Variants in GMDS observed in about 807,000 individuals in gnomAD.
The protein encoded by GMDS is GDP-mannose 4,6-dehydratase.
In GMDS, 20 loss-of-function variants were observed where a neutral mutation model predicts 49.9. That is an observed-to-expected ratio of 0.40 (90% CI 0.28 to 0.58). The LOEUF is 0.58. GMDS is among the 20% of genes least tolerant of loss of function. GMDS has a pLI of 0.42. For missense variants in GMDS, 362 were observed against 481.4 expected, an observed-to-expected ratio of 0.75 and a Z score of 2.32; for synonymous variants, 177 against 178.6, an observed-to-expected ratio of 0.99 and a Z score of 0.07.
At chr6:1,986,653 G>A (rs925444292) in intron 4 of GMDS, among the ~76,000 whole-genome samples, 9 of 152,162 alleles carry the variant, frequency 5.9e-5, no homozygotes, top group African/African-American at 1.7e-4. Flanking sequence ...CTGTAGGAGT[G>A]ATCTCAGGAG....
rs1457436398 is a variant in GMDS at position 2,061,752 on chromosome 6, G to GGTTACC, written c.345+54013_345+54018dup. ...AAAAAAAAAAAAAAAAATCTGAAGT[G>GGTTACC]GTTACCAACCCTCATTATTTGAAAC... On this transcript the variant is annotated intron_variant, in intron 4 of 10. Transcript: ENST00000380815. Among the ~76,000 whole-genome samples the GGTTACC allele has an allele frequency of 2.0e-5, 3 of 149,376 alleles. No individual in the cohort carries two copies. In the East Asian group the frequency reaches 5.9e-4, roughly 29 times the overall value.
rs769485640 is a variant in GMDS, at chr6:2,098,338, G to A, written c.345+17433C>T. ...TTCCCAAAGTGCTGGGATTACAGGC[G>A]TAAGCCACCGCGCCCAGCCACATAA... On this transcript the variant is annotated intron_variant, in intron 4 of 10. Transcript: ENST00000380815. 5.7e-4 allele frequency among the ~76,000 whole-genome samples: 87 copies of A among 152,172 alleles called. 1 individual carries two copies. The highest frequency in any genetic ancestry group is 8.1e-4 in the Non-Finnish European group (55 of 68,040).
intron 7 of GMDS, among the ~76,000 whole-genome samples, chr6:1,773,187 G>A (rs1768650909): frequency 7.5e-6 from 1 of 132,918 alleles, no homozygotes; most frequent in Admixed American, 7.6e-5. Flanking sequence ...AATGCACAGA[G>A]GGTCCTCTTT....
intron 1 of GMDS, among the ~76,000 whole-genome samples, chr6:2,133,651 G>T (rs1290008761): frequency 6.6e-6 from 1 of 152,116 alleles, no homozygotes; most frequent in Non-Finnish European, 1.5e-5. Context: ...AGGAAACATT[G>T]TAAATCACTG....
At chr6:2,000,466 A>G (rs951098817) in intron 4 of GMDS, among the ~76,000 whole-genome samples, 12 of 151,950 alleles carry the variant, frequency 7.9e-5, no homozygotes, top group African/African-American at 1.5e-4. Context: ...ACCCTCCCCA[A>G]TCCCTAAAAC....
chr6:2,129,948 T>C (rs1269433699), intron 1 of GMDS, among the ~76,000 whole-genome samples: 1 of 152,234 alleles, frequency 6.6e-6, no homozygotes, highest in Non-Finnish European at 1.5e-5. Flanking sequence ...CCTCTCATTT[T>C]ACAGATCAGG....
chr6:1,877,644 T>TAAAAAAAAA (rs60037634), intron 7 of GMDS, among the ~76,000 whole-genome samples: 4 of 90,534 alleles, frequency 4.4e-5, no homozygotes, highest in Admixed American at 1.3e-4. Context: ...TCTCAAAAAT[T>TAAAAAAAAA]AAAAAAAAAA....
chr6:1,945,226 G>A (rs566693870), intron 6 of GMDS, among the ~76,000 whole-genome samples: 142 of 152,062 alleles, frequency 9.3e-4, no homozygotes, highest in African/African-American at 3.4e-3. Flanking sequence ...TAGCCTCTCT[G>A]CTTGAATCAT....
chr6:1,997,379 A>G (rs1234337564), intron 4 of GMDS, among the ~76,000 whole-genome samples: 1 of 151,718 alleles, frequency 6.6e-6, no homozygotes, highest in Admixed American at 6.6e-5. Flanking sequence ...GTGGTGGCAC[A>G]CGCCTGTAGT....
chr6:1,764,707 C>T lies in GMDS; in HGVS notation c.772-22121G>A, dbSNP rs1400397577. Among the ~76,000 whole-genome samples the T allele has an allele frequency of 2.6e-5, 4 of 152,066 alleles. No homozygotes were observed. In the East Asian group the frequency reaches 7.7e-4, roughly 29 times the overall value. ...GCTGTTATCATACCAAACATAAAAA[C>T]GCTGCATTTTTCAGAGCATGAATTC... is the stretch of plus-strand genomic sequence containing the variant. On this transcript the variant is annotated intron_variant, in intron 7 of 10. Transcript: ENST00000380815.
chr6:2,036,648 T>G (rs1300492240), intron 4 of GMDS, among the ~76,000 whole-genome samples: 1 of 152,232 alleles, frequency 6.6e-6, no homozygotes, highest in Non-Finnish European at 1.5e-5. Context: ...AGACCATATA[T>G]GCTGATTAAT....
chr6:2,109,750 A>G (rs1412418392), intron 4 of GMDS, among the ~76,000 whole-genome samples: 2 of 152,218 alleles, frequency 1.3e-5, no homozygotes, highest in Admixed American at 6.5e-5. Flanking sequence ...AGTAGTGGAC[A>G]TAATGTCTCC....
chr6:2,134,483 G>T (rs1283380398), intron 1 of GMDS, among the ~76,000 whole-genome samples: 1 of 152,172 alleles, frequency 6.6e-6, no homozygotes, highest in African/African-American at 2.4e-5. Context: ...CCCACATCTT[G>T]GTCTCAATAG....
intron 4 of GMDS, among the ~76,000 whole-genome samples, chr6:1,998,679 T>C (rs1019754234): frequency 1.3e-5 from 2 of 152,190 alleles, no homozygotes; most frequent in South Asian, 2.1e-4. Flanking sequence ...GCATTTATAA[T>C]GTATTAGGTA....
intron 9 of GMDS, among the ~76,000 whole-genome samples, chr6:1,697,803 A>G (rs1273374467): frequency 6.6e-6 from 1 of 152,204 alleles, no homozygotes; most frequent in Non-Finnish European, 1.5e-5. Flanking sequence ...GAGAACTAAA[A>G]CAATGCAAGC....
chr6:1,636,020 G>A lies in GMDS; in HGVS notation c.988-11480C>T, dbSNP rs1763135461. Among the ~76,000 whole-genome samples the A allele has an allele frequency of 2.0e-5, 3 of 152,144 alleles. No homozygotes were observed. In the South Asian group the frequency reaches 6.2e-4, roughly 32 times the overall value. ...GTGGCAGCCCTCCTCATCACAAAGA[G>A]GACTAGGAGACGACAGAAAAGAGAC... On this transcript the variant is annotated intron_variant, in intron 9 of 10. Transcript: ENST00000380815.
At chr6:1,926,612 T>C (rs192892856) in intron 7 of GMDS, among the ~76,000 whole-genome samples, 65 of 152,326 alleles carry the variant, frequency 4.3e-4, no homozygotes, top group Non-Finnish European at 6.5e-4. Context: ...AAACAATACC[T>C]CTCCTTTTTC....
At chr6:2,200,900 C>T (rs547658716) in intron 1 of GMDS, among the ~76,000 whole-genome samples, 51 of 140,230 alleles carry the variant, frequency 3.6e-4, no homozygotes, top group African/African-American at 1.2e-3. Context: ...AATGGGCATC[C>T]GAAATGTAAC....
chr6:1,888,131 A>ATTT (rs1276994750), intron 7 of GMDS, among the ~76,000 whole-genome samples: 3 of 100,884 alleles, frequency 3.0e-5, no homozygotes, highest in East Asian at 2.3e-4. Context: ...TATTATTATT[A>ATTT]TTATTTTTTT....
Sources: allele counts gnomAD v4.1 joint callset (sites outside exome capture counted in the v4.1 genomes callset), GRCh38; gene constraint gnomAD v4.1.1; transcripts MANE v1.5; gene names NCBI Gene and HGNC (gene_info 2026-07-23, HGNC 2026-07-21).